Variants in CENPI observed in about 807,000 individuals in gnomAD.
The protein encoded by CENPI is FSH primary response 1.
In CENPI, 4 loss-of-function variants were observed where a neutral mutation model predicts 60.4. The ratio of observed to expected loss-of-function variants is 0.07; its 90% confidence interval spans 0.03 to 0.15. The LOEUF is 0.15. CENPI is among the 10% of genes least tolerant of loss of function. CENPI has a pLI of 1.00. For missense variants in CENPI, 444 were observed against 534.5 expected (o/e 0.83, Z 1.67); for synonymous variants, 157 against 189.4 (o/e 0.83, Z 1.40).
rs953054780 is a variant in CENPI, at chrX:101,106,906, A to G, written c.365-2567A>G. The stretch of plus-strand genomic sequence containing the variant: ...TGAGACCTTGTCTTTGCTAAAAATA[A>G]AAAACTTAACCAGGTATGGTGGCAC... On this transcript the variant is annotated intron_variant, in intron 4 of 21. Coordinates refer to ENST00000682095, the MANE Select transcript of CENPI (RefSeq NM_001386188.2). 2.8e-5 allele frequency among the ~76,000 whole-genome samples: 3 copies of G among 108,976 alleles called. No homozygotes were observed. The Admixed American group carries it at 3.0e-4, about 11-fold the overall frequency. 94.6% of individuals were successfully genotyped at this position (108,976 alleles called of 115,157 possible).
intron 16 of CENPI, 35 bp downstream of exon 16, chrX:101,140,795 C>A: frequency 1.0e-6 from 1 of 975,804 alleles, no homozygotes; most frequent in Non-Finnish European, 1.5e-6. Context: ...AAGAGACGAT[C>A]TGTATACAAA....
At chrX:101,131,179 T>G (rs1392536680) in intron 13 of CENPI, among the ~76,000 whole-genome samples, 6 of 102,990 alleles carry the variant, frequency 5.8e-5, no homozygotes, top group Non-Finnish European at 1.2e-4. Context: ...GTGTTTGTTT[T>G]TTGTATTTTT....
the CENPI span, among the ~76,000 whole-genome samples, chrX:101,178,398 CTTTTTTTTTTTTTTT>C: frequency 2.5e-5 from 1 of 39,983 alleles, no homozygotes; most frequent in South Asian, 1.7e-3. Flanking sequence ...TTTTCTTCTT[CTTTTTTTTTTTTTTT>C]TTTTTTTTTT....
At chrX:101,139,242 G>T (rs934502794) in intron 15 of CENPI, among the ~76,000 whole-genome samples, 4 of 104,097 alleles carry the variant, frequency 3.8e-5, no homozygotes, top group African/African-American at 1.4e-4. Context: ...TTACAGGCAC[G>T]TGCCACCACG....
At chrX:101,123,827 A>G (rs2089705054) in intron 8 of CENPI, among the ~76,000 whole-genome samples, 1 of 111,082 alleles carries the variant, frequency 9.0e-6, no homozygotes, top group Non-Finnish European at 1.9e-5. Context: ...GGCTCAAGCA[A>G]TCCTCCCGCC....
chrX:101,113,279 C>T (rs761552176), intron 6 of CENPI, among the ~76,000 whole-genome samples: 92 of 77,418 alleles, frequency 1.2e-3, no homozygotes, highest in African/African-American at 4.6e-3. Flanking sequence ...TTCTCCATCC[C>T]TTTACACACA....
At chrX:101,156,048 C>T (rs750706404) in intron 20 of CENPI, among the ~76,000 whole-genome samples, 8 of 109,911 alleles carry the variant, frequency 7.3e-5, no homozygotes, top group Non-Finnish European at 1.1e-4. Flanking sequence ...GTTTCACTCT[C>T]GTCACCCAGG....
At chrX:101,138,677 G>A (rs2089876618) in intron 15 of CENPI, among the ~76,000 whole-genome samples, 1 of 108,038 alleles carries the variant, frequency 9.3e-6, no homozygotes, top group Admixed American at 1.0e-4. Flanking sequence ...TCAGGCTGGT[G>A]TGCAGTGGTG....
At position 101,101,233 on chromosome X, in the gene CENPI, G is replaced by C. The variant is rs1365064503; in HGVS notation, c.163G>C (p.Glu55Gln). The C allele has an allele frequency of 4.1e-6, 5 of 1,208,657 alleles. No homozygotes were observed. Among genetic ancestry groups the C allele is most frequent in the Non-Finnish European group, 5.6e-6 (5 of 894,098 alleles). ...ACAAAACAATCCAGTGGGAGATTAT[G>C]AACATGCTGATGATCAAGCTGAAGA... ...HGQNNPVGDY[E>Q]HADDQAEEDA... Residue 55 changes from glutamate (E) to glutamine (Q), a missense_variant, in exon 3 of 22, where the codon GAA becomes CAA. By Grantham distance (29) the Glu-to-Gln change is conservative (BLOSUM62 2). Coordinates refer to ENST00000682095, the MANE Select transcript of CENPI (RefSeq NM_001386188.2).
intron 18 of CENPI, among the ~76,000 whole-genome samples, chrX:101,146,519 T>C (rs2089963172): frequency 9.0e-6 from 1 of 111,500 alleles, no homozygotes; most frequent in Admixed American, 9.6e-5. Flanking sequence ...TGTGCAATGG[T>C]ACTGTTGCAC....
intron 8 of CENPI, 131 bp from the exon 9 acceptor site, chrX:101,126,578 A>G (rs1203298652): frequency 1.0e-5 from 5 of 488,230 alleles, no homozygotes; most frequent in Non-Finnish European, 1.7e-5. Context: ...TTGATTTTTG[A>G]TAGCATCTTC....
the CENPI span, among the ~76,000 whole-genome samples, chrX:101,171,604 A>AT: frequency 3.9e-5 from 4 of 101,484 alleles, no homozygotes; most frequent in South Asian, 2.0e-3. Flanking sequence ...GCCTGGCTAA[A>AT]TGAGTTTTTG....
intron 4 of CENPI, 77 bp downstream of exon 4, chrX:101,102,488 TATA>T: frequency 1.2e-5 from 4 of 340,867 alleles, no homozygotes; most frequent in Non-Finnish European, 1.9e-5. Flanking sequence ...ATAAATCTTA[TATA>T]TATATACACA....
At chrX:101,166,948 C>T (rs1272708314), downstream of CENPI, among the ~76,000 whole-genome samples, 1 of 111,783 alleles carries the variant, frequency 8.9e-6, no homozygotes, top group African/African-American at 3.3e-5. Context: ...TTAGTAGAGA[C>T]GGGATTCCAC....
At chrX:101,145,263 T>C in intron 17 of CENPI, 64 bp downstream of exon 17, 1 of 923,395 alleles carries the variant, frequency 1.1e-6, no homozygotes, top group East Asian at 3.2e-5. Flanking sequence ...ATTGGCTTAT[T>C]ATTTAAATTT....
Position 101,147,743 on chromosome X carries a change from CTGTT to C in CENPI, c.1827-14_1827-11del, listed in dbSNP as rs1332336668. 5.1e-6 allele frequency: 6 copies of C among 1,165,732 alleles called. No homozygotes were observed. The highest frequency in any genetic ancestry group is 3.0e-5 in the East Asian group (1 of 33,410). On this transcript the variant is annotated splice_polypyrimidine_tract_variant and intron_variant, in intron 18 of 21. Coordinates refer to ENST00000682095, the MANE Select transcript of CENPI (RefSeq NM_001386188.2). ...TCAAAGGCATGTTAAATGTTTCATTCTGTTTGTTTTTTCTGTTAGATATCGTAAA... is the reference window on the plus strand; with the variant it reads ...TCAAAGGCATGTTAAATGTTTCATTCTGTTTTTTCTGTTAGATATCGTAAA...
rs1440844584 is a variant in CENPI, at chrX:101,114,443, C to T, written c.591+4445C>T. 2.7e-5 allele frequency among the ~76,000 whole-genome samples: 3 copies of T among 111,360 alleles called. No homozygotes were observed. In the East Asian group the frequency reaches 8.4e-4, roughly 31 times the overall value. On this transcript the variant is annotated intron_variant, in intron 6 of 21. Coordinates refer to ENST00000682095, the MANE Select transcript of CENPI (RefSeq NM_001386188.2). Reference sequence around the variant, plus strand: ...CACCTCAAAAAGAAAAAAAGAAACCCCACACCCTTTGCTATCACTCCCATC... The same window carrying T: ...CACCTCAAAAAGAAAAAAAGAAACCTCACACCCTTTGCTATCACTCCCATC...
chrX:101,172,173 C>A, the CENPI span, among the ~76,000 whole-genome samples: 52 of 111,234 alleles, frequency 4.7e-4, no homozygotes, highest in Non-Finnish European at 8.3e-4. Context: ...TGGGGGGATG[C>A]GGAGGAATTG....
intron 18 of CENPI, among the ~76,000 whole-genome samples, chrX:101,147,216 AT>A (rs979060113): frequency 9.2e-6 from 1 of 108,176 alleles, no homozygotes; most frequent in East Asian, 2.9e-4. Flanking sequence ...GCCTCTGTTA[AT>A]TTTTTTTTTA....
Sources: allele counts gnomAD v4.1 joint callset (sites outside exome capture counted in the v4.1 genomes callset), GRCh38; gene constraint gnomAD v4.1.1; transcripts MANE v1.5; gene names NCBI Gene and HGNC (gene_info 2026-07-23, HGNC 2026-07-21).